Variants in LRTM3 observed in about 807,000 individuals in gnomAD.
LRTM3 encodes leucine-rich repeat transmembrane protein 3.
At chr13:102,743,863 G>T in the LRTM3 span, 1 of 1,550,496 alleles carries the variant, frequency 6.4e-7, no homozygotes, top group African/African-American at 1.4e-5. Context: ...TGTTCCTCTG[G>T]TTTTTAGAGT....
the LRTM3 span, among the ~76,000 whole-genome samples, chr13:102,752,877 G>A: frequency 6.6e-6 from 1 of 152,198 alleles, no homozygotes; most frequent in Admixed American, 6.5e-5. Context: ...ACTGATGTTA[G>A]TTAACTTATT....
At chr13:102,736,955 C>T in the LRTM3 span, 12 of 1,550,930 alleles carry the variant, frequency 7.7e-6, no homozygotes, top group Admixed American at 5.9e-5. Context: ...GCCTGCTGTT[C>T]GTTTGTCTAA....
chr13:102,755,134 G>C, the LRTM3 span, among the ~76,000 whole-genome samples: 1 of 152,138 alleles, frequency 6.6e-6, no homozygotes, highest in Non-Finnish European at 1.5e-5. Context: ...CAGATACTGA[G>C]TGGTGGTCTC....
chr13:102,736,688 T>A, the LRTM3 span: 3 of 1,550,496 alleles, frequency 1.9e-6, no homozygotes, highest in African/African-American at 2.7e-5. Flanking sequence ...GATGTTCACC[T>A]GCAGTTCCTT....
At chr13:102,731,103 T>C in the LRTM3 span, 1 of 1,551,338 alleles carries the variant, frequency 6.4e-7, no homozygotes, top group Non-Finnish European at 8.7e-7. Flanking sequence ...GGCAATAGCA[T>C]CTCACTAGCA....
At chr13:102,730,199 G>T in the LRTM3 span, 1 of 1,550,980 alleles carries the variant, frequency 6.4e-7, no homozygotes, top group South Asian at 1.2e-5. Context: ...ACTGTAAAAT[G>T]ATTTCAAATC....
chr13:102,753,853 T>C, the LRTM3 span, among the ~76,000 whole-genome samples: 1 of 152,214 alleles, frequency 6.6e-6, no homozygotes, highest in East Asian at 1.9e-4. Flanking sequence ...CTCAGTCTAA[T>C]ATAGTAATCC....
chr13:102,739,996 G>T, the LRTM3 span: 1 of 1,550,352 alleles, frequency 6.5e-7, no homozygotes, highest in African/African-American at 1.4e-5. Context: ...GGCATATCAC[G>T]CCTTTCCTAA....
At chr13:102,740,203 T>A in the LRTM3 span, 3 of 1,548,842 alleles carry the variant, frequency 1.9e-6, no homozygotes, top group Non-Finnish European at 2.6e-6. Flanking sequence ...GTACCCCATC[T>A]GATGATTTCA....
At chr13:102,738,693 A>C in the LRTM3 span, 1 of 1,550,698 alleles carries the variant, frequency 6.4e-7, no homozygotes, top group Non-Finnish European at 8.7e-7. Context: ...TTTGGTTGTG[A>C]AAAAGAGGAT....
chr13:102,744,097 A>G, the LRTM3 span: 3 of 1,550,626 alleles, frequency 1.9e-6, no homozygotes, highest in Non-Finnish European at 2.6e-6. Flanking sequence ...CCTCTCCTAT[A>G]CTTGTGTACC....
At chr13:102,748,730 T>A in the LRTM3 span, 2 of 1,549,946 alleles carry the variant, frequency 1.3e-6, no homozygotes, top group Non-Finnish European at 1.7e-6. Flanking sequence ...AATTGAGTCT[T>A]TAAGAGATTC....
At chr13:102,737,792 T>G in the LRTM3 span, 41 of 1,551,096 alleles carry the variant, frequency 2.6e-5, 1 homozygote, top group South Asian at 4.0e-4. Flanking sequence ...GTGCCTTGGT[T>G]GTAAAATACC....
chr13:102,743,048 A>G, the LRTM3 span: 1 of 1,550,080 alleles, frequency 6.5e-7, no homozygotes, highest in Non-Finnish European at 8.7e-7. Flanking sequence ...TTCTCCCAAA[A>G]GCACATCCTC....
the LRTM3 span, chr13:102,731,584 T>C: frequency 1.2e-5 from 18 of 1,551,352 alleles, no homozygotes; most frequent in Non-Finnish European, 1.4e-5. Flanking sequence ...TATAGGCTTG[T>C]ATGTTATCTA....
At chr13:102,750,979 C>T in the LRTM3 span, among the ~76,000 whole-genome samples, 1 of 152,302 alleles carries the variant, frequency 6.6e-6, no homozygotes, top group African/African-American at 2.4e-5. Flanking sequence ...AGACCAACAG[C>T]ATCAGCATCT....
At chr13:102,746,281 T>C in the LRTM3 span, 4 of 1,551,068 alleles carry the variant, frequency 2.6e-6, no homozygotes, top group Non-Finnish European at 3.5e-6. Context: ...GCGCTGCTTC[T>C]AATAAAACTT....
At chr13:102,753,494 T>TA in the LRTM3 span, among the ~76,000 whole-genome samples, 874 of 124,428 alleles carry the variant, frequency 7.0e-3, 12 homozygotes, top group African/African-American at 0.026. Flanking sequence ...AAAGTAAAAT[T>TA]AAAAAAAAAA....
the LRTM3 span, among the ~76,000 whole-genome samples, chr13:102,751,388 C>CAT: frequency 7.1e-6 from 1 of 140,536 alleles, no homozygotes; most frequent in East Asian, 2.2e-4. Flanking sequence ...CACACACACA[C>CAT]ATATCCTACT....
Sources: allele counts gnomAD v4.1 joint callset (sites outside exome capture counted in the v4.1 genomes callset), GRCh38; gene constraint gnomAD v4.1.1; transcripts MANE v1.5; gene names NCBI Gene and HGNC (gene_info 2026-07-23, HGNC 2026-07-21).